TFAP2D: variants seen among roughly 807,000 people sequenced by gnomAD.
TFAP2D encodes the protein transcription factor AP-2 delta, also known as transcription factor AP-2-delta.
TFAP2D carries 9 observed loss-of-function variants against 43.6 expected under a neutral mutation model. The observed-to-expected ratio is 0.21, with a 90% CI of 0.12 to 0.36. The LOEUF (loss-of-function observed/expected upper bound fraction) is 0.36, where lower values mean the gene tolerates loss of function less well. TFAP2D is among the 10% of genes least tolerant of loss of function. The pLI is 1.00. For missense variants in TFAP2D, 513 were observed against 561.4 expected, an observed-to-expected ratio of 0.91 and a Z score of 0.87; for synonymous variants, 256 against 224.9, an observed-to-expected ratio of 1.14 and a Z score of -1.24.
chr6:50,742,237 C>G (rs188956447), intron 5 of TFAP2D, among the ~76,000 whole-genome samples: 1 of 152,036 alleles, frequency 6.6e-6, no homozygotes, highest in Admixed American at 6.6e-5. Context: ...CTTGCCACTT[C>G]TTTTAATGTA....
At chr6:50,765,761 C>G (rs1769432949) in intron 7 of TFAP2D, among the ~76,000 whole-genome samples, 1 of 151,616 alleles carries the variant, frequency 6.6e-6, no homozygotes, top group Admixed American at 6.6e-5. Context: ...ATTTTAGATA[C>G]TAATTTTTGT....
chr6:50,726,339 G>T (rs192820543), intron 3 of TFAP2D, among the ~76,000 whole-genome samples: 290 of 152,284 alleles, frequency 1.9e-3, no homozygotes, highest in African/African-American at 6.4e-3. Flanking sequence ...TTCTAAAATT[G>T]TGGTATTCCC....
chr6:50,757,695 A>T (rs1339391368), intron 7 of TFAP2D, among the ~76,000 whole-genome samples: 1 of 80,782 alleles, frequency 1.2e-5, no homozygotes, highest in African/African-American at 5.5e-5. Flanking sequence ...AATATATATA[A>T]TTATTCTATA....
intron 7 of TFAP2D, among the ~76,000 whole-genome samples, chr6:50,767,271 A>G (rs6927620): frequency 0.3 from 46,216 of 152,084 alleles, 7,173 homozygotes; most frequent in East Asian, 0.42. Flanking sequence ...TGATCTTAGA[A>G]GAAAAGTTTT....
rs1178228257 is a variant in TFAP2D at position 50,715,535 on chromosome 6, G to T, written c.459G>T (p.Gln153His). 6.2e-7 allele frequency: 1 copy of T among 1,612,056 alleles called. No homozygotes were observed. Among genetic ancestry groups the T allele is most frequent in the African/African-American group, 1.3e-5 (1 of 74,908 alleles). The stretch of plus-strand genomic sequence containing the variant: ...TGTCCCTCATGAGCCATGGCTCTCA[G>T]TATGGAATGCACCCAGATCAAAGAC... Reference protein sequence around the residue: ...HDLSLMSHGSQYGMHPDQRLL... With the variant: ...HDLSLMSHGSHYGMHPDQRLL... The change falls in exon 2 of 8, where the codon CAG (glutamine) becomes CAT (histidine). Residue 153 changes from glutamine (Q) to histidine (H), a missense_variant. Transcript: ENST00000008391.
At chr6:50,763,552 T>C (rs1306478345) in intron 7 of TFAP2D, among the ~76,000 whole-genome samples, 1 of 152,208 alleles carries the variant, frequency 6.6e-6, no homozygotes, top group Non-Finnish European at 1.5e-5. Flanking sequence ...TTACATATCT[T>C]ACTAAATCCA....
At chr6:50,716,771 C>T (rs1768634754) in intron 2 of TFAP2D, among the ~76,000 whole-genome samples, 1 of 152,194 alleles carries the variant, frequency 6.6e-6, no homozygotes, top group South Asian at 2.1e-4. Context: ...CCACCTTCTT[C>T]ACACTCTCCA....
At chr6:50,762,185 C>T (rs112874446) in intron 7 of TFAP2D, among the ~76,000 whole-genome samples, 31 of 152,128 alleles carry the variant, frequency 2.0e-4, no homozygotes, top group African/African-American at 6.5e-4. Flanking sequence ...ATTTGTGAGC[C>T]TCAGTTTCTA....
intron 7 of TFAP2D, among the ~76,000 whole-genome samples, chr6:50,759,933 T>C (rs1409887481): frequency 6.6e-6 from 1 of 152,002 alleles, no homozygotes. Flanking sequence ...AGGGTAGTCA[T>C]AAACATACTT....
intron 6 of TFAP2D, among the ~76,000 whole-genome samples, chr6:50,745,508 A>T (rs1280928692): frequency 6.6e-6 from 1 of 152,190 alleles, no homozygotes; most frequent in African/African-American, 2.4e-5. Flanking sequence ...ATATGCAGAA[A>T]TCCCTTGGAG....
chr6:50,768,903 CTT>C (rs34182627), intron 7 of TFAP2D, among the ~76,000 whole-genome samples: 42 of 127,832 alleles, frequency 3.3e-4, no homozygotes, highest in South Asian at 5.2e-4. Flanking sequence ...AACGAAGTGG[CTT>C]TTTTTTTTTT....
In TFAP2D at chr6:50,715,120, G is replaced by C. The variant is rs1265646310; in HGVS notation, c.44G>C (p.Arg15Pro). The C allele has an allele frequency of 6.2e-7, 1 of 1,613,766 alleles. No homozygotes were observed. Among genetic ancestry groups the C allele is most frequent in the Admixed American group, 1.7e-5 (1 of 60,012 alleles). ...FPGLVHDAEI[R>P]HDGSNSYRLM... ...TTTTCCCCCTCTTCCTTCCAGATAC[G>C]TCACGACGGATCAAACAGCTACCGT... Residue 15 changes from arginine to proline, a missense_variant, in exon 2 of 8, where the codon CGT (arginine) becomes CCT (proline). Physicochemically the swap from Arg to Pro is moderately radical, Grantham distance 103 (BLOSUM62 -2). This residue lies in a region of TFAP2D where 311 missense variants were observed against 316.2 expected (regional missense o/e 0.98). Coordinates refer to ENST00000008391, the MANE Select transcript of TFAP2D (RefSeq NM_172238.4).
intron 5 of TFAP2D, among the ~76,000 whole-genome samples, chr6:50,731,741 A>G (rs1360563015): frequency 1.3e-5 from 2 of 151,740 alleles, no homozygotes; most frequent in Non-Finnish European, 2.9e-5. Flanking sequence ...ATTGTTGATG[A>G]CTCTCTTTTA....
At chr6:50,724,458 G>A (rs1475223274) in intron 3 of TFAP2D, among the ~76,000 whole-genome samples, 2 of 152,162 alleles carry the variant, frequency 1.3e-5, no homozygotes, top group Non-Finnish European at 2.9e-5. Context: ...CGAGTGGGGC[G>A]GCGCTGTGGC....
In TFAP2D at chr6:50,768,333, CTT is replaced by C. The variant is rs35287000; in HGVS notation, c.1140-4300_1140-4299del. 8.7e-3 allele frequency among the ~76,000 whole-genome samples: 1,076 copies of C among 124,340 alleles called. 14 individuals carry two copies. The highest frequency in any genetic ancestry group is 0.028 in the African/African-American group (920 of 32,864). 81.6% of individuals were successfully genotyped at this position (124,340 alleles called of 152,430 possible). A position where few individuals can be genotyped will look rare whatever the true frequency, so the allele number is the denominator to read the frequency against. ...CTCTCTCCTTTTCTTTTTTCTCTCC[CTT>C]TTTTTTTTTTTCTTTTGAGATAGAG... On this transcript the variant is annotated intron_variant, in intron 7 of 7. Transcript: ENST00000008391.
At chr6:50,753,293 T>G (rs553967290) in intron 7 of TFAP2D, among the ~76,000 whole-genome samples, 1 of 152,096 alleles carries the variant, frequency 6.6e-6, no homozygotes, top group Admixed American at 6.6e-5. Flanking sequence ...CTTCATCAGA[T>G]AGTAAGCCAT....
intron 2 of TFAP2D, 134 bp downstream of exon 2, chr6:50,715,747 TCTCACA>T (rs1416633804): frequency 3.4e-5 from 17 of 498,258 alleles, no homozygotes; most frequent in African/African-American, 2.2e-4. Context: ...TCTCTCTCTC[TCTCACA>T]CACACACACA....
At chr6:50,719,036 G>A in intron 2 of TFAP2D, 54 bp from the exon 3 acceptor site, 1 of 1,552,526 alleles carries the variant, frequency 6.4e-7, no homozygotes, top group Non-Finnish European at 8.8e-7. Flanking sequence ...TACCTACGTG[G>A]TCATGCATAT....
chr6:50,757,427 ATATATAGAATATATATACTTATTCT>A (rs1769289356), intron 7 of TFAP2D, among the ~76,000 whole-genome samples: 2 of 106,630 alleles, frequency 1.9e-5, no homozygotes, highest in Non-Finnish European at 3.6e-5. Context: ...TATATAGAAT[ATATATAGAATATATATACTTATTCT>A]ATATATATAT....
Sources: allele counts gnomAD v4.1 joint callset (sites outside exome capture counted in the v4.1 genomes callset), GRCh38; gene constraint gnomAD v4.1.1; regional missense constraint gnomAD v4.1.1; transcripts MANE v1.5; gene names NCBI Gene and HGNC (gene_info 2026-07-23, HGNC 2026-07-21).